Variants in KCNH5 observed in about 807,000 individuals in gnomAD.
KCNH5 encodes the protein potassium voltage-gated channel subfamily H member 5, also known as voltage-gated delayed rectifier potassium channel KCNH5.
A neutral mutation model predicts 96.1 loss-of-function variants in KCNH5; 46 were observed. That is an observed-to-expected ratio of 0.48 (90% CI 0.38 to 0.61). The LOEUF is 0.61. KCNH5 is among the 20% of genes least tolerant of loss of function. KCNH5 has a pLI of 0.00. For missense variants in KCNH5, 907 were observed against 1,225.8 expected (o/e 0.74, Z 3.88); for synonymous variants, 439 against 449.8 (o/e 0.98, Z 0.30).
At chr14:62,811,547 C>T (rs1012143036) in intron 8 of KCNH5, among the ~76,000 whole-genome samples, 1 of 152,198 alleles carries the variant, frequency 6.6e-6, no homozygotes, top group South Asian at 2.1e-4. Context: ...ACCATGAATA[C>T]AGTATAGACA....
intron 7 of KCNH5, among the ~76,000 whole-genome samples, chr14:62,898,257 G>T (rs548158884): frequency 6.6e-6 from 1 of 152,238 alleles, no homozygotes; most frequent in African/African-American, 2.4e-5. Flanking sequence ...AGGGCTAAAA[G>T]AACAGAAGTG....
intron 1 of KCNH5, among the ~76,000 whole-genome samples, chr14:63,027,011 T>C (rs1327629281): frequency 6.6e-6 from 1 of 152,070 alleles, no homozygotes; most frequent in Non-Finnish European, 1.5e-5. Context: ...TGAAATATTA[T>C]ACAGCCTTTA....
chr14:62,880,720 C>T (rs1406127771), intron 7 of KCNH5, among the ~76,000 whole-genome samples: 1 of 152,166 alleles, frequency 6.6e-6, no homozygotes, highest in Non-Finnish European at 1.5e-5. Flanking sequence ...ATAATTTTAT[C>T]ATGATTAGTG....
intron 10 of KCNH5, among the ~76,000 whole-genome samples, chr14:62,725,586 G>C (rs982786979): frequency 6.6e-6 from 1 of 152,150 alleles, no homozygotes; most frequent in East Asian, 1.9e-4. Context: ...AGAGTGGAAG[G>C]AGGGACAGTA....
intron 7 of KCNH5, among the ~76,000 whole-genome samples, chr14:62,897,026 C>T (rs770757467): frequency 3.9e-5 from 6 of 152,158 alleles, no homozygotes; most frequent in East Asian, 1.9e-4. Flanking sequence ...AATTCCAAAT[C>T]GCTCTTCAGC....
chr14:62,713,793 T>C (rs966634261), intron 10 of KCNH5, among the ~76,000 whole-genome samples: 2 of 152,224 alleles, frequency 1.3e-5, no homozygotes, highest in Non-Finnish European at 2.9e-5. Context: ...AGTAACTCAC[T>C]GTATTTCAAA....
At chr14:62,986,459 T>A (rs1190315044) in intron 5 of KCNH5, among the ~76,000 whole-genome samples, 1 of 152,130 alleles carries the variant, frequency 6.6e-6, no homozygotes. Context: ...GTCACCATAC[T>A]ACCTCATCTC....
In KCNH5 at chr14:62,821,810, G is replaced by A. The variant is rs542602128; in HGVS notation, c.1570-19229C>T. On this transcript the variant is annotated intron_variant, in intron 8 of 10. Transcript: ENST00000322893. Reference sequence around the variant, plus strand: ...ACCCTCAAGCATCTCTTAAAGCCTCGAATAATTCTATCCGTCTCAAATCCT... The same window carrying A: ...ACCCTCAAGCATCTCTTAAAGCCTCAAATAATTCTATCCGTCTCAAATCCT... 1.1e-4 allele frequency among the ~76,000 whole-genome samples: 16 copies of A among 152,132 alleles called. No individual in the cohort carries two copies. The East Asian group carries it at 2.5e-3, about 24-fold the overall frequency.
intron 3 of KCNH5, among the ~76,000 whole-genome samples, chr14:63,005,879 C>T (rs1180531103): frequency 6.6e-6 from 1 of 152,202 alleles, no homozygotes; most frequent in Non-Finnish European, 1.5e-5. Flanking sequence ...ACTACTTCTA[C>T]TAGGCTTTCT....
chr14:62,991,489 G>T (rs959209788), intron 4 of KCNH5, among the ~76,000 whole-genome samples: 1 of 151,950 alleles, frequency 6.6e-6, no homozygotes, highest in East Asian at 1.9e-4. Context: ...GACTTGGAAA[G>T]GATTCTTTCT....
At position 62,853,655 on chromosome 14, in the gene KCNH5, C is replaced by G. The variant is rs112266932; in HGVS notation, c.1370-3803G>C. ...GCCCCTTTACTAGCTGTTCCTTGAA[C>G]ACTCTTCTCCATGATCCTCACTTGG... On this transcript the variant is annotated intron_variant, in intron 7 of 10. Coordinates refer to ENST00000322893, the MANE Select transcript of KCNH5 (RefSeq NM_139318.5). Among the ~76,000 whole-genome samples, 744 of 151,556 alleles carry G rather than the reference C, an allele frequency of 4.9e-3. 2 individuals carry two copies. The highest frequency in any genetic ancestry group is 0.017 in the African/African-American group (706 of 41,294).
chr14:62,861,259 T>C (rs1375045756), intron 7 of KCNH5, among the ~76,000 whole-genome samples: 2 of 150,000 alleles, frequency 1.3e-5, no homozygotes, highest in Non-Finnish European at 2.9e-5. Flanking sequence ...TTATTTTCTA[T>C]CTCTAAAAAT....
intron 10 of KCNH5, among the ~76,000 whole-genome samples, chr14:62,744,928 T>C (rs953345954): frequency 2.0e-5 from 3 of 152,098 alleles, no homozygotes; most frequent in African/African-American, 7.2e-5. Context: ...TACCTTCCAA[T>C]CTGAAGGACT....
intron 4 of KCNH5, among the ~76,000 whole-genome samples, chr14:62,994,022 T>C (rs1261908905): frequency 6.6e-6 from 1 of 152,066 alleles, no homozygotes; most frequent in Non-Finnish European, 1.5e-5. Flanking sequence ...GCAATTAACC[T>C]CTTTGTCATG....
rs1237974346 is a variant in KCNH5 at position 62,835,742 on chromosome 14, T to C, written c.1569+13911A>G. Among the ~76,000 whole-genome samples, 4 of 151,994 alleles carry C rather than the reference T, an allele frequency of 2.6e-5. No individual in the cohort carries two copies. The East Asian group carries it at 5.8e-4, about 22-fold the overall frequency. The stretch of plus-strand genomic sequence containing the variant: ...CTCTGCCAGCTCTTCTGATCTCCTA[T>C]AAAATACCTTAAAAAATAAAGTTAC... On this transcript the variant is annotated intron_variant, in intron 8 of 10. Transcript: ENST00000322893.
At chr14:62,784,563 C>T (rs1023937529) in intron 9 of KCNH5, among the ~76,000 whole-genome samples, 14 of 152,088 alleles carry the variant, frequency 9.2e-5, no homozygotes, top group East Asian at 3.9e-4. Context: ...CCATTTTCAC[C>T]GATGTCTTTC....
chr14:62,999,563 G>T, intron 4 of KCNH5, among the ~76,000 whole-genome samples: 1 of 151,740 alleles, frequency 6.6e-6, no homozygotes, highest in Non-Finnish European at 1.5e-5. Context: ...GTCCTTTGTA[G>T]GGACATAGGT....
Position 62,881,370 on chromosome 14 carries a change from GC to G in KCNH5, c.1370-31519del, listed in dbSNP as rs1415812816. ...AGTAAGAAACTTTTATCCTATTCAA[GC>G]CATTATATTTTTTCTGTTTTTGTTT... On this transcript the variant is annotated intron_variant, in intron 7 of 10. Coordinates refer to ENST00000322893, the MANE Select transcript of KCNH5 (RefSeq NM_139318.5). Among the ~76,000 whole-genome samples the G allele has an allele frequency of 3.3e-5, 5 of 151,282 alleles. 1 individual carries two copies. Among genetic ancestry groups the G allele is most frequent in the Non-Finnish European group, 7.4e-5 (5 of 67,912 alleles).
At position 62,896,812 on chromosome 14, in the gene KCNH5, T is replaced by G. The variant is rs148291418; in HGVS notation, c.1370-46960A>C. 3.4e-3 allele frequency among the ~76,000 whole-genome samples: 513 copies of G among 152,340 alleles called. 4 individuals carry two copies. Among genetic ancestry groups the G allele is most frequent in the African/African-American group, 0.012 (492 of 41,584 alleles). ...TACAATAAATAATCTCAACGGAATA[T>G]TTAGACATTGTCAAAGATTGTGTAT... On this transcript the variant is annotated intron_variant, in intron 7 of 10. Coordinates refer to ENST00000322893, the MANE Select transcript of KCNH5 (RefSeq NM_139318.5).
Sources: allele counts gnomAD v4.1 joint callset (sites outside exome capture counted in the v4.1 genomes callset), GRCh38; gene constraint gnomAD v4.1.1; transcripts MANE v1.5; gene names NCBI Gene and HGNC (gene_info 2026-07-23, HGNC 2026-07-21).